The following MICAL3 variants were observed in gnomAD, a reference collection of about 807,000 sequenced individuals.
MICAL3 encodes the protein [F-actin]-monooxygenase MICAL3.
In MICAL3, 62 loss-of-function variants were observed where a neutral mutation model predicts 207.4. The ratio of observed to expected loss-of-function variants is 0.30; its 90% confidence interval spans 0.24 to 0.37. MICAL3 has a LOEUF of 0.37. MICAL3 is among the 10% of genes least tolerant of loss of function. The pLI is 1.00. For synonymous variants in MICAL3, 1,077 were observed against 1,069.3 expected (o/e 1.01, Z -0.14); for missense variants, 2,368 against 2,635.6 (o/e 0.90, Z 2.22).
At chr22:17,855,233 T>A (rs1925770702) in intron 19 of MICAL3, among the ~76,000 whole-genome samples, 1 of 152,156 alleles carries the variant, frequency 6.6e-6, no homozygotes, top group Admixed American at 6.5e-5. Flanking sequence ...CCTGAGTAGA[T>A]CAGAATGTCC....
chr22:17,801,723 G>A (rs568680343), intron 29 of MICAL3, among the ~76,000 whole-genome samples: 149 of 151,890 alleles, frequency 9.8e-4, no homozygotes, highest in Middle Eastern at 6.8e-3. Context: ...GTGAAACCCC[G>A]TCTCTACTAA....
At position 17,871,856 on chromosome 22, in the gene MICAL3, G is replaced by A. The variant is rs529529455; in HGVS notation, c.2409C>T (p.Tyr803=). ...YCATTLRLSA[Y]AYDIEDGKFY... ...TCTCACCATCCTCGATGTCGTAGGC[G>A]TAGGCCGAGAGGCGCAGGGTGGTGG... Residue 803 remains tyrosine, a synonymous_variant, in exon 17 of 32, where the codon TAC becomes TAT. Coordinates refer to ENST00000441493, the MANE Select transcript of MICAL3 (RefSeq NM_015241.3). 60 of 1,608,964 alleles carry A rather than the reference G, an allele frequency of 3.7e-5. No homozygotes were observed. The African/African-American group carries it at 5.6e-4, about 15-fold the overall frequency.
intron 1 of MICAL3, among the ~76,000 whole-genome samples, chr22:17,959,345 C>T (rs796716533): frequency 2.0e-5 from 3 of 151,464 alleles, no homozygotes; most frequent in Non-Finnish European, 4.4e-5. Flanking sequence ...AACAGAGTCT[C>T]GCTCTGTCAC....
intron 1 of MICAL3, among the ~76,000 whole-genome samples, chr22:17,994,029 T>C (rs1462868236): frequency 6.6e-6 from 1 of 152,182 alleles, no homozygotes; most frequent in Non-Finnish European, 1.5e-5. Context: ...TCCGCTGTGG[T>C]GAGGACTGAG....
intron 1 of MICAL3, among the ~76,000 whole-genome samples, chr22:17,910,901 T>C (rs1289480257): frequency 6.6e-6 from 1 of 152,150 alleles, no homozygotes; most frequent in Non-Finnish European, 1.5e-5. Flanking sequence ...TGTGTACAGT[T>C]CATAATCACA....
chr22:17,962,543 C>T (rs994763824), intron 1 of MICAL3, among the ~76,000 whole-genome samples: 16 of 152,126 alleles, frequency 1.1e-4, no homozygotes, highest in African/African-American at 3.1e-4. Flanking sequence ...GATGGAACTG[C>T]GGCCAGGCCA....
intron 1 of MICAL3, among the ~76,000 whole-genome samples, chr22:18,022,673 C>A (rs1924560096): frequency 6.6e-6 from 1 of 152,218 alleles, no homozygotes; most frequent in Admixed American, 6.5e-5. Context: ...AAGTGATCTG[C>A]CTACCTCGGG....
chr22:17,916,334 C>T (rs1932515537), intron 1 of MICAL3, among the ~76,000 whole-genome samples: 1 of 152,124 alleles, frequency 6.6e-6, no homozygotes, highest in Non-Finnish European at 1.5e-5. Context: ...CCACACTGGT[C>T]CCTTCCCTGC....
chr22:18,001,480 G>T lies in MICAL3; in HGVS notation c.-75+22801C>A, dbSNP rs80118802. On this transcript the variant is annotated intron_variant, in intron 1 of 31. Transcript: ENST00000441493. ...GTTCCGCAGCCCGAGCGTCCGGCGC[G>T]GTAGGTAGCAGCCGGAGAAGCGGCG... The T allele has an allele frequency of 1.2e-4, 18 of 152,412 alleles. No homozygotes were observed. In the East Asian group the frequency reaches 3.1e-3, roughly 26 times the overall value. 9.4% of individuals were successfully genotyped at this position (152,412 alleles called of 1,614,324 possible).
In MICAL3 at chr22:17,787,674, A is replaced by G. The variant is rs1355472576; in HGVS notation, c.*3058T>C. 6.6e-6 allele frequency: 1 copy of G among 152,280 alleles called. No homozygotes were observed. Among genetic ancestry groups the G allele is most frequent in the Non-Finnish European group, 1.5e-5 (1 of 68,046 alleles). 9.4% of individuals were successfully genotyped at this position (152,280 alleles called of 1,614,324 possible). On this transcript the variant is annotated 3_prime_UTR_variant, in exon 32 of 32. Coordinates refer to ENST00000441493, the MANE Select transcript of MICAL3 (RefSeq NM_015241.3). Reference sequence around the variant, plus strand: ...TTTATTTGAAAAACTTTTATTTTGCATAAAACAGACCCATTCCCTTTGTGG... The same window carrying G: ...TTTATTTGAAAAACTTTTATTTTGCGTAAAACAGACCCATTCCCTTTGTGG...
intron 1 of MICAL3, among the ~76,000 whole-genome samples, chr22:17,982,004 C>G (rs1412662721): frequency 6.6e-6 from 1 of 151,938 alleles, no homozygotes; most frequent in African/African-American, 2.4e-5. Flanking sequence ...ACTTAGGAGG[C>G]TGAGGTGAGA....
intron 19 of MICAL3, among the ~76,000 whole-genome samples, chr22:17,842,850 G>A (rs906985427): frequency 7.9e-5 from 12 of 152,092 alleles, no homozygotes; most frequent in South Asian, 4.1e-4. Context: ...GGCTGGGTGC[G>A]GTGGCTCACG....
intron 1 of MICAL3, among the ~76,000 whole-genome samples, chr22:17,950,557 G>A (rs548659179): frequency 3.4e-4 from 52 of 152,022 alleles, no homozygotes; most frequent in Admixed American, 8.5e-4. Context: ...GGCTGGTCTT[G>A]AACTCCTGAC....
In MICAL3 at chr22:17,804,718, G is replaced by A. The variant is rs539365808; in HGVS notation, c.5650+4126C>T. The stretch of plus-strand genomic sequence containing the variant: ...TAAAGACACACAGAGCACAGCACTC[G>A]GCCGCCATGGTGTTGCCCTCTCTCC... On this transcript the variant is annotated intron_variant, in intron 29 of 31. Transcript: ENST00000441493. Among the ~76,000 whole-genome samples the A allele has an allele frequency of 6.4e-4, 97 of 152,240 alleles. 2 individuals carry two copies. The South Asian group carries it at 0.013, about 21-fold the overall frequency.
rs1195237253 is a variant in MICAL3 at position 17,901,097 on chromosome 22, A to G, written c.692-100T>C. The G allele has an allele frequency of 5.9e-6, 7 of 1,181,804 alleles. No individual in the cohort carries two copies. In the East Asian group the frequency reaches 1.4e-4, roughly 24 times the overall value. 73.2% of individuals were successfully genotyped at this position (1,181,804 alleles called of 1,614,324 possible). On this transcript the variant is annotated intron_variant, in intron 5 of 31. Coordinates refer to ENST00000441493, the MANE Select transcript of MICAL3 (RefSeq NM_015241.3). Reference sequence around the variant, plus strand: ...GCTGATAAAGACAACAGGGAAAGTCAGGGATGAGAACTGATGGGAAAGTTA... The same window carrying G: ...GCTGATAAAGACAACAGGGAAAGTCGGGGATGAGAACTGATGGGAAAGTTA...
At chr22:17,923,477 A>C (rs1401485781) in intron 1 of MICAL3, among the ~76,000 whole-genome samples, 2 of 151,856 alleles carry the variant, frequency 1.3e-5, no homozygotes, top group Non-Finnish European at 2.9e-5. Flanking sequence ...GTGTAGAGCC[A>C]GAGGGGCTAC....
At chr22:17,881,312 C>T (rs1929407650) in intron 16 of MICAL3, 1 of 1,598,004 alleles carries the variant, frequency 6.3e-7, no homozygotes, top group Non-Finnish European at 8.5e-7. Flanking sequence ...TGCTTTTACA[C>T]CAACAGACAC....
intron 19 of MICAL3, among the ~76,000 whole-genome samples, chr22:17,849,189 C>T (rs1029109426): frequency 2.0e-5 from 3 of 152,206 alleles, no homozygotes; most frequent in South Asian, 2.1e-4. Context: ...GCTCTACACA[C>T]GGCCTTAAAC....
At chr22:17,951,088 C>G (rs1361064970) in intron 1 of MICAL3, among the ~76,000 whole-genome samples, 2 of 152,324 alleles carry the variant, frequency 1.3e-5, no homozygotes, top group East Asian at 3.9e-4. Flanking sequence ...GGCCTGGCTT[C>G]CTGGCTGGGC....
Sources: allele counts gnomAD v4.1 joint callset (sites outside exome capture counted in the v4.1 genomes callset), GRCh38; gene constraint gnomAD v4.1.1; transcripts MANE v1.5; gene names NCBI Gene and HGNC (gene_info 2026-07-23, HGNC 2026-07-21).